PIWIL2: variants seen among roughly 807,000 people sequenced by gnomAD.
PIWIL2 encodes piwi-like protein 2.
Under a neutral mutation model 116.5 loss-of-function variants are expected in PIWIL2, and 81 were observed. The ratio of observed to expected loss-of-function variants is 0.70; its 90% confidence interval spans 0.58 to 0.84. The LOEUF is 0.84. PIWIL2 is among the 40% of genes least tolerant of loss of function. The pLI is 0.00. For missense variants in PIWIL2, 1,272 were observed against 1,212.3 expected, an observed-to-expected ratio of 1.05 and a Z score of -0.73; for synonymous variants, 489 against 429.5, an observed-to-expected ratio of 1.14 and a Z score of -1.71.
intron 20 of PIWIL2, among the ~76,000 whole-genome samples, chr8:22,336,070 T>C (rs1831975267): frequency 6.6e-6 from 1 of 152,208 alleles, no homozygotes; most frequent in African/African-American, 2.4e-5. Flanking sequence ...AAAACTTTAT[T>C]TTCAGTCTTA....
chr8:22,283,075 T>C lies in PIWIL2; in HGVS notation c.467T>C (p.Leu156Pro), dbSNP rs772699306. The change falls in exon 5 of 23, where the codon CTG (leucine) becomes CCG (proline). Residue 156 changes from leucine (L) to proline (P), a missense_variant. Leu to Pro is a moderately conservative substitution (Grantham distance 98). Coordinates refer to ENST00000356766, the MANE Select transcript of PIWIL2 (RefSeq NM_018068.5). Reference protein sequence around the residue: ...RGSSDASLLPLGRAAGGISRE... With the variant: ...RGSSDASLLPPGRAAGGISRE... ...AGTTCAGATGCGTCTTTATTACCACTGGGAAGAGCAGCAGGTGGTATCAGC... is the reference window on the plus strand; with the variant it reads ...AGTTCAGATGCGTCTTTATTACCACCGGGAAGAGCAGCAGGTGGTATCAGC... 4 of 1,614,162 alleles carry C rather than the reference T, an allele frequency of 2.5e-6. No homozygotes were observed. The highest frequency in any genetic ancestry group is 3.4e-6 in the Non-Finnish European group (4 of 1,180,006).
Position 22,355,514 on chromosome 8 carries a change from C to A in PIWIL2, c.*9C>A. The A allele has an allele frequency of 6.2e-7, 1 of 1,612,318 alleles. No homozygotes were observed. The highest frequency in any genetic ancestry group is 8.5e-7 in the Non-Finnish European group (1 of 1,178,978). ...ACCTGTTCTTCCTGTGACTGCACAG[C>A]TTGGAGATGGGCTGGTGAGAAGAAA... On this transcript the variant is annotated 3_prime_UTR_variant, in exon 23 of 23. Transcript: ENST00000356766.
intron 10 of PIWIL2, among the ~76,000 whole-genome samples, chr8:22,292,525 G>A (rs561324323): frequency 6.6e-6 from 1 of 152,224 alleles, no homozygotes; most frequent in Non-Finnish European, 1.5e-5. Flanking sequence ...TAATTATTCT[G>A]TATCTCCTAG....
rs530355706 is a variant in PIWIL2, at chr8:22,292,911, G to C, written c.1181+2565G>C. ...TTCTATTTGGTGGCATGGAACTTCA[G>C]CATGAGTAACTCCATTTTTGGTTTG... On this transcript the variant is annotated intron_variant, in intron 10 of 22. Coordinates refer to ENST00000356766, the MANE Select transcript of PIWIL2 (RefSeq NM_018068.5). Among the ~76,000 whole-genome samples the C allele has an allele frequency of 2.8e-4, 43 of 152,314 alleles. No individual in the cohort carries two copies. In the South Asian group the frequency reaches 8.9e-3, roughly 32 times the overall value.
intron 18 of PIWIL2, among the ~76,000 whole-genome samples, chr8:22,315,555 T>C (rs1425176754): frequency 6.6e-6 from 1 of 152,170 alleles, no homozygotes; most frequent in Non-Finnish European, 1.5e-5. Context: ...GACCTGGTGA[T>C]CTGCCCACCT....
chr8:22,292,884 GT>G (rs1396940661), intron 10 of PIWIL2, among the ~76,000 whole-genome samples: 1 of 152,156 alleles, frequency 6.6e-6, no homozygotes, highest in Non-Finnish European at 1.5e-5. Context: ...AAAGATCTTA[GT>G]TTCTATTTGG....
At chr8:22,278,061 G>A (rs1222986626) in intron 1 of PIWIL2, among the ~76,000 whole-genome samples, 5 of 151,706 alleles carry the variant, frequency 3.3e-5, no homozygotes, top group East Asian at 1.9e-4. Flanking sequence ...CCAGCTACTC[G>A]GGACGCTGAG....
intron 14 of PIWIL2, 52 bp downstream of exon 14, chr8:22,308,125 A>G (rs758349171): frequency 2.8e-6 from 4 of 1,418,868 alleles, no homozygotes; most frequent in African/African-American, 1.4e-5. Flanking sequence ...CACGTGTGCA[A>G]TATTTATGTG....
chr8:22,297,581 A>G (rs960698014), intron 10 of PIWIL2, among the ~76,000 whole-genome samples: 5 of 152,204 alleles, frequency 3.3e-5, no homozygotes, highest in African/African-American at 1.2e-4. Flanking sequence ...AAGAATGATA[A>G]GGCAGACTTT....
chr8:22,328,882 T>A (rs1831794465), intron 20 of PIWIL2, among the ~76,000 whole-genome samples: 1 of 151,286 alleles, frequency 6.6e-6, no homozygotes, highest in Admixed American at 6.6e-5. Context: ...CATTTGCTTA[T>A]GGGAATGGAG....
intron 20 of PIWIL2, among the ~76,000 whole-genome samples, chr8:22,322,650 C>CTTGTCCTGTCCTTTT (rs1346457466): frequency 6.6e-6 from 1 of 151,662 alleles, no homozygotes; most frequent in Admixed American, 6.6e-5. Flanking sequence ...TTGTCCTGTC[C>CTTGTCCTGTCCTTTT]TTGTCCTGTC....
intron 15 of PIWIL2, 49 bp downstream of exon 15, chr8:22,310,123 G>A: frequency 2.1e-6 from 2 of 968,518 alleles, no homozygotes; most frequent in Admixed American, 1.9e-5. Context: ...TCCCCAAAGT[G>A]TGGGAATTAG....
intron 20 of PIWIL2, among the ~76,000 whole-genome samples, chr8:22,320,791 C>G (rs992852461): frequency 7.9e-5 from 12 of 151,856 alleles, no homozygotes; most frequent in African/African-American, 2.7e-4. Context: ...TGGGGTTTTG[C>G]CACGTTGGCC....
chr8:22,289,086 G>C (rs1421750596), intron 8 of PIWIL2, among the ~76,000 whole-genome samples: 1 of 150,364 alleles, frequency 6.7e-6, no homozygotes. Flanking sequence ...AAACATCCTA[G>C]TTTTCATACA....
At chr8:22,350,133 C>G (rs1832321881) in intron 20 of PIWIL2, among the ~76,000 whole-genome samples, 1 of 152,210 alleles carries the variant, frequency 6.6e-6, no homozygotes, top group Non-Finnish European at 1.5e-5. Flanking sequence ...GAAGAATTAT[C>G]TACCCACAAA....
chr8:22,330,142 C>A (rs1169305240), intron 20 of PIWIL2, among the ~76,000 whole-genome samples: 2 of 151,980 alleles, frequency 1.3e-5, no homozygotes, highest in Admixed American at 1.3e-4. Flanking sequence ...TTTCTTATTT[C>A]TTTTTCTTAT....
chr8:22,321,784 T>C, intron 20 of PIWIL2: 3 of 775,412 alleles, frequency 3.9e-6, no homozygotes, highest in Non-Finnish European at 4.7e-6. Flanking sequence ...ACAAATTTGC[T>C]TTGGGGTTCT....
chr8:22,289,757 C>A (rs906867644), intron 8 of PIWIL2, 90 bp from the exon 9 acceptor site: 13 of 776,554 alleles, frequency 1.7e-5, no homozygotes, highest in Non-Finnish European at 2.4e-5. Context: ...TCTAACCGTT[C>A]AGACTTCCAA....
chr8:22,329,631 CCT>C (rs1831811930), intron 20 of PIWIL2, among the ~76,000 whole-genome samples: 1 of 152,242 alleles, frequency 6.6e-6, no homozygotes, highest in African/African-American at 2.4e-5. Context: ...CCATGCCCCA[CCT>C]CCAGTATTGG....
Sources: gnomAD v4.1 joint callset for allele counts (sites outside exome capture counted in the v4.1 genomes callset) on GRCh38, gnomAD v4.1.1 for gene constraint, MANE v1.5 for transcripts, NCBI Gene and HGNC (gene_info 2026-07-23, HGNC 2026-07-21) for gene names.